The following CCT6A variants were observed in gnomAD, a reference collection of about 807,000 sequenced individuals.
CCT6A encodes chaperonin containing TCP1 subunit 6A, also known as T-complex protein 1 subunit zeta.
CCT6A carries 6 observed loss-of-function variants against 58.6 expected under a neutral mutation model. The observed-to-expected ratio is 0.10, with a 90% CI of 0.06 to 0.20. The LOEUF (loss-of-function observed/expected upper bound fraction) is 0.20. CCT6A is among the 10% of genes least tolerant of loss of function. The pLI is 1.00. For missense variants in CCT6A, 516 were observed against 648.8 expected, an observed-to-expected ratio of 0.80 and a Z score of 2.22; for synonymous variants, 245 against 227.8, an observed-to-expected ratio of 1.08 and a Z score of -0.68.
chr7:56,054,192 A>G (rs759917205), intron 2 of CCT6A, among the ~76,000 whole-genome samples, 177 bp from the exon 3 acceptor site: 4 of 152,236 alleles, frequency 2.6e-5, no homozygotes, highest in Non-Finnish European at 5.9e-5. Context: ...ACACATGAAG[A>G]CGTTTCAATC....
rs1034243389 is a variant in CCT6A at position 56,063,862 on chromosome 7, G to A, written c.*777G>A. 5.4e-6 allele frequency: 1 copy of A among 183,770 alleles called. No individual in the cohort carries two copies. The highest frequency in any genetic ancestry group is 2.4e-5 in the African/African-American group (1 of 42,526). 11.4% of individuals were successfully genotyped at this position (183,770 alleles called of 1,614,324 possible). A position where few individuals can be genotyped will look rare whatever the true frequency, so the allele number is the denominator to read the frequency against. The stretch of plus-strand genomic sequence containing the variant: ...TCTCACCCAAATTACGTTTCCACGA[G>A]ATTATTTATATATAGTTGGTCTATC... On this transcript the variant is annotated 3_prime_UTR_variant, in exon 14 of 14. Transcript: ENST00000275603.
Position 56,055,721 on chromosome 7 carries a change from G to A in CCT6A, c.434G>A (p.Arg145Lys), listed in dbSNP as rs1158921910. ...EEVKVSREMD[R>K]ETLIDVARTS... is the part of the protein sequence containing the mutation. ...GTCAAAGTAAGCAGAGAGATGGACA[G>A]GGAAACACTTATAGATGTGGCCAGA... Residue 145 changes from arginine to lysine, a missense_variant, in exon 4 of 14, where the codon AGG becomes AAG. Physicochemically the swap from Arg to Lys is conservative, Grantham distance 26. This residue lies in a region of CCT6A where 116 missense variants were observed against 184.5 expected (regional missense o/e 0.63). Coordinates refer to ENST00000275603, the MANE Select transcript of CCT6A (RefSeq NM_001762.4). 2.5e-6 allele frequency: 4 copies of A among 1,613,774 alleles called. No individual in the cohort carries two copies. The highest frequency in any genetic ancestry group is 3.4e-6 in the Non-Finnish European group (4 of 1,179,728).
intron 4 of CCT6A, 100 bp downstream of exon 4, chr7:56,055,897 G>C: frequency 1.2e-6 from 1 of 861,226 alleles, no homozygotes. Flanking sequence ...ATTACAAGGT[G>C]CTGTGTAGGT....
intron 6 of CCT6A, 64 bp from the exon 7 acceptor site, chr7:56,058,298 C>A: frequency 8.1e-7 from 1 of 1,227,788 alleles, no homozygotes; most frequent in Non-Finnish European, 1.1e-6. Flanking sequence ...TAGGACTAAT[C>A]CAGTTTCAGA....
In CCT6A at chr7:56,062,954, G is replaced by C. The variant is rs1037425566; in HGVS notation, c.1524-59G>C. On this transcript the variant is annotated intron_variant, in intron 13 of 13. Transcript: ENST00000275603. ...TGTGCAGCTTGGTTGGAAGTGGGAA[G>C]TTGAGTCGAATTAGGGCTCCTAATC... 5.1e-6 allele frequency: 7 copies of C among 1,384,452 alleles called. No homozygotes were observed. The African/African-American group carries it at 7.1e-5, about 14-fold the overall frequency. The allele number at this position is 1,384,452 out of a possible 1,614,324, so 85.8% of individuals were successfully genotyped here.
intron 9 of CCT6A, chr7:56,059,902 G>T (rs560571092): frequency 1.0e-5 from 4 of 398,624 alleles, no homozygotes; most frequent in African/African-American, 4.1e-5. Flanking sequence ...GTTCATAATT[G>T]TGTTGCCCAG....
chr7:56,056,858 A>G (rs1490552241), intron 5 of CCT6A, among the ~76,000 whole-genome samples: 1 of 149,196 alleles, frequency 6.7e-6, no homozygotes, highest in East Asian at 2.0e-4. Flanking sequence ...GTACAGTGGC[A>G]TGATCTCGGC....
chr7:56,061,258 T>C (rs1290737133), intron 11 of CCT6A, among the ~76,000 whole-genome samples: 7 of 152,206 alleles, frequency 4.6e-5, no homozygotes, highest in Non-Finnish European at 8.8e-5. Context: ...AGTTTTGATA[T>C]ATAATTTATG....
At chr7:56,056,588 C>A (rs771058840) in intron 5 of CCT6A, among the ~76,000 whole-genome samples, 174 bp downstream of exon 5, 1 of 151,692 alleles carries the variant, frequency 6.6e-6, no homozygotes, top group East Asian at 2.0e-4. Flanking sequence ...CCAGGCGTGC[C>A]GGGCATGACT....
rs772123086 is a variant in CCT6A at position 56,056,421 on chromosome 7, G to T, written c.614+7G>T. On this transcript the variant is annotated splice_region_variant and intron_variant, in intron 5 of 13. Coordinates refer to ENST00000275603, the MANE Select transcript of CCT6A (RefSeq NM_001762.4). The stretch of plus-strand genomic sequence containing the variant: ...AATCTGAAACTGATACAAGGTAGGT[G>T]GTAGAAGACTGTGAAATACTAATGG... 1 of 1,326,666 alleles carries T rather than the reference G, an allele frequency of 7.5e-7. No individual in the cohort carries two copies. 82.2% of individuals were successfully genotyped at this position (1,326,666 alleles called of 1,614,324 possible).
At chr7:56,056,189 T>C (rs1180721214) in intron 4 of CCT6A, 122 bp from the exon 5 acceptor site, 2 of 693,428 alleles carry the variant, frequency 2.9e-6, no homozygotes, top group Admixed American at 2.5e-5. Context: ...TATTTGCTGA[T>C]AGAAAAAGAC....
chr7:56,057,391 A>C (rs77803671), intron 5 of CCT6A, among the ~76,000 whole-genome samples: 1 of 151,854 alleles, frequency 6.6e-6, no homozygotes, highest in Admixed American at 6.6e-5. Context: ...TGTGTGGAGA[A>C]TGGAGTCTCC....
At chr7:56,052,089 G>C in intron 1 of CCT6A, 104 bp downstream of exon 1, 2 of 1,031,594 alleles carry the variant, frequency 1.9e-6, no homozygotes, top group Non-Finnish European at 2.6e-6. Context: ...GGGCTGCGCA[G>C]CCGTCCTTCT....
intron 13 of CCT6A, 109 bp from the exon 14 acceptor site, chr7:56,062,904 G>A (rs1421909830): frequency 4.4e-6 from 5 of 1,148,142 alleles, no homozygotes; most frequent in Non-Finnish European, 6.6e-6. Context: ...TAGAGGGGAA[G>A]GGGGAAATTT....
In CCT6A at chr7:56,063,209, A is replaced by C; in HGVS notation, c.*124A>C. The C allele has an allele frequency of 1.4e-6, 1 of 715,530 alleles. No homozygotes were observed. The highest frequency in any genetic ancestry group is 2.5e-6 in the Non-Finnish European group (1 of 403,440). The allele number at this position is 715,530 out of a possible 1,614,324, so 44.3% of individuals were successfully genotyped here. ...AAATTTTCCCATATGAAAAAAGGAG[A>C]GAACACTGGCATCTGTTGAAATTTG... On this transcript the variant is annotated 3_prime_UTR_variant, in exon 14 of 14. Coordinates refer to ENST00000275603, the MANE Select transcript of CCT6A (RefSeq NM_001762.4).
Position 56,061,961 on chromosome 7 carries a change from A to C in CCT6A, c.1450+112A>C. The stretch of plus-strand genomic sequence containing the variant: ...CAATTTGACACCAGTGCTGTTAGGG[A>C]ACTCTGGGTTCTAAAATGGGATAAA... On this transcript the variant is annotated intron_variant, in intron 12 of 13. Coordinates refer to ENST00000275603, the MANE Select transcript of CCT6A (RefSeq NM_001762.4). 7.1e-6 allele frequency: 4 copies of C among 566,892 alleles called. No homozygotes were observed. The South Asian group carries it at 1.0e-4, about 14-fold the overall frequency. 35.1% of individuals were successfully genotyped at this position (566,892 alleles called of 1,614,324 possible). A position where few individuals can be genotyped will look rare whatever the true frequency, so the allele number is the denominator to read the frequency against.
At chr7:56,052,090 C>A in intron 1 of CCT6A, 105 bp downstream of exon 1, 1 of 1,016,402 alleles carries the variant, frequency 9.8e-7, no homozygotes, top group Non-Finnish European at 1.3e-6. Context: ...GGCTGCGCAG[C>A]CGTCCTTCTC....
chr7:56,063,203 AAGG>A lies in CCT6A; in HGVS notation c.*121_*123del, dbSNP rs973170880. On this transcript the variant is annotated 3_prime_UTR_variant, in exon 14 of 14. Coordinates refer to ENST00000275603, the MANE Select transcript of CCT6A (RefSeq NM_001762.4). ...TGAAAGAAATTTTCCCATATGAAAA[AAGG>A]AGAGAACACTGGCATCTGTTGAAAT... 13 of 754,416 alleles carry A rather than the reference AAGG, an allele frequency of 1.7e-5. No individual in the cohort carries two copies. Among genetic ancestry groups the A allele is most frequent in the South Asian group, 3.1e-5 (2 of 64,956 alleles). 46.7% of individuals were successfully genotyped at this position (754,416 alleles called of 1,614,324 possible). A position where few individuals can be genotyped will look rare whatever the true frequency, so the allele number is the denominator to read the frequency against.
chr7:56,052,085 C>A, intron 1 of CCT6A, 100 bp downstream of exon 1: 1 of 1,043,720 alleles, frequency 9.6e-7, no homozygotes, highest in Non-Finnish European at 1.3e-6. Flanking sequence ...CTCGGGGCTG[C>A]GCAGCCGTCC....
Sources: gnomAD v4.1 joint callset for allele counts (sites outside exome capture counted in the v4.1 genomes callset) on GRCh38, gnomAD v4.1.1 for gene constraint, gnomAD v4.1.1 regional missense constraint, MANE v1.5 for transcripts, NCBI Gene and HGNC (gene_info 2026-07-23, HGNC 2026-07-21) for gene names.